Variants in DZIP3 observed in about 807,000 individuals in gnomAD.
The protein encoded by DZIP3 is E3 ubiquitin-protein ligase DZIP3.
DZIP3 carries 118 observed loss-of-function variants against 162.0 expected under a neutral mutation model. The ratio of observed to expected loss-of-function variants is 0.73; its 90% CI spans 0.63 to 0.85. The LOEUF is 0.85. DZIP3 is among the 40% of genes least tolerant of loss of function. The pLI is 0.00. For synonymous variants in DZIP3, 438 were observed against 458.6 expected (o/e 0.96, Z 0.57); for missense variants, 1,331 against 1,407.0 (o/e 0.95, Z 0.86).
intron 26 of DZIP3, among the ~76,000 whole-genome samples, chr3:108,681,411 A>G (rs1385454139): frequency 2.0e-5 from 3 of 152,210 alleles, no homozygotes; most frequent in African/African-American, 7.2e-5. Context: ...AATGGCAGTC[A>G]TTAAAAAGTC....
At chr3:108,672,237 G>A (rs1000422599) in intron 22 of DZIP3, among the ~76,000 whole-genome samples, 1 of 151,906 alleles carries the variant, frequency 6.6e-6, no homozygotes, top group African/African-American at 2.4e-5. Flanking sequence ...AGTTTTGGGG[G>A]AACACAAACA....
At position 108,662,366 on chromosome 3, in the gene DZIP3, A is replaced by G. The variant is rs60452299; in HGVS notation, c.2423+109A>G. 3.7e-3 allele frequency: 4,858 copies of G among 1,306,106 alleles called. 158 individuals carry two copies. The African/African-American group carries it at 0.066, about 18-fold the overall frequency. The allele number at this position is 1,306,106 out of a possible 1,614,324, so 80.9% of individuals were successfully genotyped here. Reference sequence around the variant, plus strand: ...GTGGCACTGTGACTACACATTAGGAACCTCAACCACACGACTGCACTTGTT... The same window carrying G: ...GTGGCACTGTGACTACACATTAGGAGCCTCAACCACACGACTGCACTTGTT... On this transcript the variant is annotated intron_variant, in intron 21 of 32. Coordinates refer to ENST00000361582, the MANE Select transcript of DZIP3 (RefSeq NM_014648.4).
chr3:108,598,445 A>T (rs965323494), intron 1 of DZIP3, among the ~76,000 whole-genome samples: 4 of 152,214 alleles, frequency 2.6e-5, no homozygotes, highest in African/African-American at 9.6e-5. Context: ...TTTCAATGCA[A>T]CCCAAGGTAA....
chr3:108,688,058 T>C lies in DZIP3; in HGVS notation c.3232T>C (p.Cys1078Arg). The C allele has an allele frequency of 6.2e-7, 1 of 1,613,722 alleles. No homozygotes were observed. Among genetic ancestry groups the C allele is most frequent in the Non-Finnish European group, 8.5e-7 (1 of 1,179,792 alleles). ...LSELTFDEIV[C>R]KISQFIDPKK... ...TGAACTGACATTTGATGAAATTGTT[T>C]GCAAGATTTCCCAGTTTATTGACCC... Residue 1078 changes from cysteine (C) to arginine (R), a missense_variant, in exon 29 of 33, where the codon TGC becomes CGC. Transcript: ENST00000361582.
intron 1 of DZIP3, among the ~76,000 whole-genome samples, chr3:108,598,963 A>G (rs1243555857): frequency 6.6e-6 from 1 of 152,212 alleles, no homozygotes; most frequent in Admixed American, 6.5e-5. Flanking sequence ...CATTCCAACT[A>G]TTCAAAACAA....
chr3:108,640,677 C>T (rs185007243), intron 12 of DZIP3, among the ~76,000 whole-genome samples: 3 of 152,244 alleles, frequency 2.0e-5, no homozygotes, highest in East Asian at 1.9e-4. Context: ...ATCTTCTGAC[C>T]TCGTGATCCA....
rs1281081047 is a variant in DZIP3, at chr3:108,654,242, G to A, written c.2131G>A (p.Glu711Lys). 6.2e-7 allele frequency: 1 copy of A among 1,613,864 alleles called. No homozygotes were observed. The highest frequency in any genetic ancestry group is 1.7e-5 in the Admixed American group (1 of 60,014). Residue 711 changes from glutamate to lysine, a missense_variant, in exon 19 of 33, where the codon GAG (glutamate) becomes AAG (lysine). Transcript: ENST00000361582. ...LIKDDASDVQ[E>K]DSAMEDKFYS... ...AAAAGATGATGCAAGTGATGTTCAA[G>A]AGGATTCTGCAATGGAAGACAAGTT...
Position 108,616,535 on chromosome 3 carries a change from CCA to C in DZIP3, c.259-3_259-2del, listed in dbSNP as rs1397787505. On this transcript the variant is annotated splice_polypyrimidine_tract_variant and splice_region_variant and intron_variant, in intron 4 of 32. Transcript: ENST00000361582. Reference sequence around the variant, plus strand: ...TAGACATTTTTAACTGAATAATTTTCCACAGAGAGAAGTTGCAGCTAACAGCC... The same window carrying C: ...TAGACATTTTTAACTGAATAATTTTCCAGAGAGAAGTTGCAGCTAACAGCC... 1 of 1,589,570 alleles carries C rather than the reference CCA, an allele frequency of 6.3e-7. No homozygotes were observed. The highest frequency in any genetic ancestry group is 1.7e-5 in the Admixed American group (1 of 57,966).
At position 108,648,963 on chromosome 3, in the gene DZIP3, G is replaced by A; in HGVS notation, c.2007+1G>A. On this transcript the variant is annotated splice_donor_variant, in intron 17 of 32. Transcript: ENST00000361582. LOFTEE classifies it high-confidence loss of function. ...AAAGAAGAAGACTAAGAATAAAAAG[G>A]TAAGAGACTATAATAGCATTATAAT... 1 of 1,160,182 alleles carries A rather than the reference G, an allele frequency of 8.6e-7. No homozygotes were observed. Among genetic ancestry groups the A allele is most frequent in the Non-Finnish European group, 1.1e-6 (1 of 873,004 alleles). The allele number at this position is 1,160,182 out of a possible 1,614,324, so 71.9% of individuals were successfully genotyped here. A position where few individuals can be genotyped will look rare whatever the true frequency, so the allele number is the denominator to read the frequency against.
chr3:108,625,929 G>A lies in DZIP3; in HGVS notation c.541G>A (p.Val181Ile), dbSNP rs200570537. 6.8e-6 allele frequency: 11 copies of A among 1,613,402 alleles called. No individual in the cohort carries two copies. In the African/African-American group the frequency reaches 1.2e-4, roughly 18 times the overall value. ...NEICENFMSL[V>I]YFGRGLLRCA... is the part of the protein sequence containing the mutation. Reference sequence around the variant, plus strand: ...AATTTGTGAAAACTTTATGTCTTTAGTTTATTTTGGACGTGGTTTACTGCG... The same window carrying A: ...AATTTGTGAAAACTTTATGTCTTTAATTTATTTTGGACGTGGTTTACTGCG... Residue 181 changes from valine (V) to isoleucine (I), a missense_variant, in exon 7 of 33, where the codon GTT becomes ATT. Coordinates refer to ENST00000361582, the MANE Select transcript of DZIP3 (RefSeq NM_014648.4).
chr3:108,670,164 A>C (rs1250270543), intron 22 of DZIP3, among the ~76,000 whole-genome samples: 1 of 151,974 alleles, frequency 6.6e-6, no homozygotes, highest in Non-Finnish European at 1.5e-5. Context: ...TTCATACAGC[A>C]TAAAATTATC....
At chr3:108,592,351 G>A (rs1939469787) in intron 1 of DZIP3, among the ~76,000 whole-genome samples, 1 of 152,122 alleles carries the variant, frequency 6.6e-6, no homozygotes, top group African/African-American at 2.4e-5. Context: ...TAAGTTTTTA[G>A]GTTGGATGAA....
intron 1 of DZIP3, among the ~76,000 whole-genome samples, chr3:108,592,330 C>T (rs975264973): frequency 3.9e-5 from 6 of 152,114 alleles, no homozygotes; most frequent in African/African-American, 1.4e-4. Flanking sequence ...AGGGATGAGT[C>T]TAGCAGATAC....
intron 26 of DZIP3, among the ~76,000 whole-genome samples, chr3:108,683,239 A>C (rs777608240): frequency 2.7e-5 from 4 of 149,154 alleles, no homozygotes; most frequent in Middle Eastern, 3.4e-3. Context: ...TTACCTAAGA[A>C]AATTATAATT....
chr3:108,622,044 A>AT (rs1941378566), intron 5 of DZIP3, among the ~76,000 whole-genome samples: 1 of 152,080 alleles, frequency 6.6e-6, no homozygotes, highest in Admixed American at 6.6e-5. Context: ...AAAAAAAAAA[A>AT]AATTAAAATA....
At chr3:108,608,221 G>A in intron 3 of DZIP3, 63 bp downstream of exon 3, 2 of 1,297,008 alleles carry the variant, frequency 1.5e-6, no homozygotes, top group Non-Finnish European at 2.2e-6. Context: ...ATATGCAAAT[G>A]CAGTAATACA....
intron 1 of DZIP3, among the ~76,000 whole-genome samples, chr3:108,596,630 A>T (rs1005691295): frequency 1.3e-5 from 2 of 152,148 alleles, no homozygotes; most frequent in Admixed American, 1.3e-4. Context: ...TAGGTTGGCC[A>T]AGAAGGCTGT....
At chr3:108,599,064 G>A (rs1295819896) in intron 1 of DZIP3, among the ~76,000 whole-genome samples, 1 of 152,208 alleles carries the variant, frequency 6.6e-6, no homozygotes, top group Non-Finnish European at 1.5e-5. Context: ...CTTAAGACAA[G>A]ATGTTAATTT....
chr3:108,638,027 T>G (rs1170058974), intron 12 of DZIP3, among the ~76,000 whole-genome samples: 1 of 152,110 alleles, frequency 6.6e-6, no homozygotes, highest in Non-Finnish European at 1.5e-5. Context: ...GTCAATTGAT[T>G]CTCTTTTTCT....
Sources: allele counts gnomAD v4.1 joint callset (sites outside exome capture counted in the v4.1 genomes callset), GRCh38; gene constraint gnomAD v4.1.1; transcripts MANE v1.5; gene names NCBI Gene and HGNC (gene_info 2026-07-23, HGNC 2026-07-21).